The following SYT1 variants were observed in gnomAD, a reference collection of about 807,000 sequenced individuals.
The protein encoded by SYT1 is synaptotagmin 1.
SYT1 carries 8 observed loss-of-function variants against 44.8 expected under a neutral mutation model. The ratio of observed to expected loss-of-function variants is 0.18; its 90% CI spans 0.10 to 0.32. SYT1 has a LOEUF of 0.32. Among genes scored for constraint, SYT1 ranks in the 10% least tolerant of loss-of-function variants. SYT1 has a pLI of 1.00. For missense variants in SYT1, 286 were observed against 509.3 expected, an observed-to-expected ratio of 0.56 and a Z score of 4.22; for synonymous variants, 154 against 188.8, an observed-to-expected ratio of 0.82 and a Z score of 1.51.
chr12:79,038,895 G>A (rs1873319998), intron 2 of SYT1, among the ~76,000 whole-genome samples: 1 of 151,910 alleles, frequency 6.6e-6, no homozygotes, highest in African/African-American at 2.4e-5. Flanking sequence ...AGAAATGCTT[G>A]ATATATTTAA....
intron 4 of SYT1, among the ~76,000 whole-genome samples, chr12:79,279,757 CAA>C (rs943494160): frequency 6.6e-6 from 1 of 151,776 alleles, no homozygotes; most frequent in African/African-American, 2.4e-5. Flanking sequence ...TAGAAAACCC[CAA>C]AGACTCCTAG....
At chr12:79,375,769 T>G (rs955263035) in intron 9 of SYT1, among the ~76,000 whole-genome samples, 2 of 152,074 alleles carry the variant, frequency 1.3e-5, no homozygotes, top group African/African-American at 4.8e-5. Flanking sequence ...TGATGCCCCC[T>G]CTAGATTGTG....
In SYT1 at chr12:79,447,330, A is replaced by G. The variant is rs538256782; in HGVS notation, c.1063-1588A>G. Among the ~76,000 whole-genome samples, 22 of 152,248 alleles carry G rather than the reference A, an allele frequency of 1.4e-4. 1 individual carries two copies. The highest frequency in any genetic ancestry group is 4.8e-4 in the African/African-American group (20 of 41,562). ...CTTAAGTTTGCCTTATCCTGAGGTT[A>G]TAAGACAATCTGCCTGTCCTTCTGT... On this transcript the variant is annotated intron_variant, in intron 10 of 10. Transcript: ENST00000261205.
intron 9 of SYT1, among the ~76,000 whole-genome samples, chr12:79,398,803 T>C (rs965525429): frequency 6.6e-6 from 1 of 152,218 alleles, no homozygotes; most frequent in African/African-American, 2.4e-5. Context: ...GGACATGTTT[T>C]TTAAATAATG....
chr12:79,183,072 A>G (rs1464369967), intron 3 of SYT1, among the ~76,000 whole-genome samples: 1 of 152,056 alleles, frequency 6.6e-6, no homozygotes, highest in Non-Finnish European at 1.5e-5. Flanking sequence ...AAGTCAGCAA[A>G]TGTTTATTGT....
chr12:78,899,763 T>C (rs1379357316), intron 1 of SYT1, among the ~76,000 whole-genome samples: 1 of 152,058 alleles, frequency 6.6e-6, no homozygotes, highest in Non-Finnish European at 1.5e-5. Flanking sequence ...ACTTTTTCTC[T>C]AATACACTTA....
intron 3 of SYT1, among the ~76,000 whole-genome samples, chr12:79,191,686 A>G (rs10746068): frequency 0.76 from 115,298 of 152,080 alleles, 44,540 homozygotes; most frequent in African/African-American, 0.9. Flanking sequence ...TCAAAAATGC[A>G]TGGTTAGTTG....
At chr12:79,060,958 C>T (rs1875338207) in intron 3 of SYT1, among the ~76,000 whole-genome samples, 1 of 151,978 alleles carries the variant, frequency 6.6e-6, no homozygotes. Flanking sequence ...TTTAACTACT[C>T]AGGCTGGAAT....
chr12:79,253,107 AT>A (rs1291341194), intron 4 of SYT1, among the ~76,000 whole-genome samples: 16 of 152,254 alleles, frequency 1.1e-4, no homozygotes. Context: ...GCTAAATCTT[AT>A]ATCCAACCCT....
At chr12:79,223,362 G>C (rs1208068496) in intron 4 of SYT1, among the ~76,000 whole-genome samples, 2 of 152,110 alleles carry the variant, frequency 1.3e-5, no homozygotes, top group African/African-American at 4.8e-5. Context: ...ACTGTGGCAG[G>C]TGAAGCACTG....
chr12:78,877,384 T>A (rs193177357), intron 1 of SYT1, among the ~76,000 whole-genome samples: 2 of 151,498 alleles, frequency 1.3e-5, no homozygotes, highest in Non-Finnish European at 3.0e-5. Flanking sequence ...ACTCTGTCCC[T>A]CCCACAACAT....
intron 3 of SYT1, among the ~76,000 whole-genome samples, chr12:79,180,733 T>C (rs1199995975): frequency 6.6e-6 from 1 of 152,008 alleles, no homozygotes; most frequent in Non-Finnish European, 1.5e-5. Flanking sequence ...ATCAAGAGAA[T>C]GGTGCTAAAC....
At chr12:79,249,342 G>C (rs1592896827) in intron 4 of SYT1, among the ~76,000 whole-genome samples, 2 of 151,050 alleles carry the variant, frequency 1.3e-5, no homozygotes, top group African/African-American at 4.9e-5. Context: ...CTGACCTCAT[G>C]ATCCACCCGC....
At chr12:79,039,029 C>A (rs549470612) in intron 2 of SYT1, among the ~76,000 whole-genome samples, 1 of 152,028 alleles carries the variant, frequency 6.6e-6, no homozygotes, top group Non-Finnish European at 1.5e-5. Context: ...TCTTCCTCCC[C>A]AAAAATGCCG....
chr12:78,972,023 A>G (rs1033139754), intron 1 of SYT1, among the ~76,000 whole-genome samples: 2 of 152,196 alleles, frequency 1.3e-5, no homozygotes, highest in Admixed American at 1.3e-4. Context: ...GAAGAAATAC[A>G]TAATCCTAAT....
chr12:79,232,690 T>C (rs190358397), intron 4 of SYT1, among the ~76,000 whole-genome samples: 45 of 152,346 alleles, frequency 3.0e-4, no homozygotes, highest in Non-Finnish European at 5.3e-4. Context: ...TTTATTATTT[T>C]GTATTTACTT....
chr12:79,086,522 T>G (rs1354082289), intron 3 of SYT1, among the ~76,000 whole-genome samples: 1 of 152,192 alleles, frequency 6.6e-6, no homozygotes, highest in Non-Finnish European at 1.5e-5. Flanking sequence ...AGTATTCCCT[T>G]TTCTGGACAT....
At chr12:79,025,161 A>G (rs939542518) in intron 2 of SYT1, among the ~76,000 whole-genome samples, 32 of 151,818 alleles carry the variant, frequency 2.1e-4, no homozygotes, top group African/African-American at 7.7e-4. Context: ...ATTTGTCTAC[A>G]AGTATTTTGA....
chr12:79,343,575 T>C (rs1420273983), intron 8 of SYT1, among the ~76,000 whole-genome samples: 1 of 152,038 alleles, frequency 6.6e-6, no homozygotes, highest in East Asian at 1.9e-4. Context: ...GACTATAGAG[T>C]CCATGTTGTT....
Sources: allele counts gnomAD v4.1 joint callset (sites outside exome capture counted in the v4.1 genomes callset), GRCh38; gene constraint gnomAD v4.1.1; transcripts MANE v1.5; gene names NCBI Gene and HGNC (gene_info 2026-07-23, HGNC 2026-07-21).